Variants in GPM6A observed in about 807,000 individuals in gnomAD.
The protein encoded by GPM6A is glycoprotein M6A, also known as neuronal membrane glycoprotein M6-a.
Under a neutral mutation model 32.1 loss-of-function variants are expected in GPM6A, and 7 were observed. The observed-to-expected ratio is 0.22, with a 90% CI of 0.12 to 0.41. The LOEUF (loss-of-function observed/expected upper bound fraction) is 0.41. Among genes scored for constraint, GPM6A ranks in the 10% least tolerant of loss-of-function variants. The probability of loss-of-function intolerance (pLI) is 1.00; values close to 1 mark genes in which losing one functional copy is unlikely to be tolerated. For synonymous variants in GPM6A, 130 were observed against 123.4 expected (o/e 1.05, Z -0.35); for missense variants, 235 against 347.2 (o/e 0.68, Z 2.57).
At chr4:175,723,482 G>A (rs1361712466) in intron 1 of GPM6A, among the ~76,000 whole-genome samples, 1 of 151,906 alleles carries the variant, frequency 6.6e-6, no homozygotes, top group Admixed American at 6.6e-5. Flanking sequence ...TAATCAAGAG[G>A]ATGCCAGTTT....
intron 1 of GPM6A, among the ~76,000 whole-genome samples, chr4:175,985,916 C>A (rs1740959542): frequency 6.6e-6 from 1 of 152,066 alleles, no homozygotes; most frequent in African/African-American, 2.4e-5. Context: ...AGTGATTCTC[C>A]TGCCTCAGCC....
intron 1 of GPM6A, among the ~76,000 whole-genome samples, chr4:175,754,599 G>A (rs552455394): frequency 6.6e-6 from 1 of 152,136 alleles, no homozygotes; most frequent in Non-Finnish European, 1.5e-5. Flanking sequence ...ATTGTTTGTA[G>A]GTATTTTCTT....
chr4:175,911,837 T>G (rs2111508984), intron 1 of GPM6A, among the ~76,000 whole-genome samples: 1 of 152,172 alleles, frequency 6.6e-6, no homozygotes, highest in Admixed American at 6.5e-5. Flanking sequence ...GTGAGTAAAC[T>G]TTTCTCCCCT....
intron 1 of GPM6A, among the ~76,000 whole-genome samples, chr4:175,878,126 C>T (rs953188904): frequency 6.6e-6 from 1 of 152,234 alleles, no homozygotes; most frequent in African/African-American, 2.4e-5. Context: ...GGCAGCTCTG[C>T]CCCTGTAGCT....
chr4:175,736,494 T>TA (rs139785212), intron 1 of GPM6A, among the ~76,000 whole-genome samples: 3,326 of 152,244 alleles, frequency 0.022, 111 homozygotes, highest in African/African-American at 0.076. Context: ...AGGTTTTCTT[T>TA]AAAAAAATTT....
At chr4:175,982,624 A>G (rs1242080305) in intron 1 of GPM6A, among the ~76,000 whole-genome samples, 3 of 152,160 alleles carry the variant, frequency 2.0e-5, no homozygotes, top group Non-Finnish European at 2.9e-5. Flanking sequence ...CCTCTCACCA[A>G]TGCCACACAG....
chr4:175,736,579 C>T lies in GPM6A; in HGVS notation c.38-34812G>A, dbSNP rs372631944. Among the ~76,000 whole-genome samples the T allele has an allele frequency of 5.9e-5, 9 of 151,952 alleles. No individual in the cohort carries two copies. The East Asian group carries it at 1.3e-3, about 23-fold the overall frequency. Reference sequence around the variant, plus strand: ...TAATATTGGCTTTACGTTGCTGAAACAGAAATAAATAATATCTCAAAATAG... The same window carrying T: ...TAATATTGGCTTTACGTTGCTGAAATAGAAATAAATAATATCTCAAAATAG... On this transcript the variant is annotated intron_variant, in intron 1 of 6. Transcript: ENST00000393658.
intron 1 of GPM6A, among the ~76,000 whole-genome samples, chr4:175,840,775 A>T (rs1371920377): frequency 6.6e-6 from 1 of 152,204 alleles, no homozygotes; most frequent in Admixed American, 6.5e-5. Flanking sequence ...ATTCAATGAT[A>T]TATCCAAAGG....
At chr4:175,883,404 T>A (rs1013010868) in intron 1 of GPM6A, among the ~76,000 whole-genome samples, 3 of 152,110 alleles carry the variant, frequency 2.0e-5, no homozygotes, top group Non-Finnish European at 4.4e-5. Context: ...TCTTGCAATA[T>A]CCAATCAATA....
chr4:175,650,659 G>A (rs567091990), intron 4 of GPM6A, among the ~76,000 whole-genome samples: 9 of 152,072 alleles, frequency 5.9e-5, no homozygotes, highest in East Asian at 1.9e-4. Flanking sequence ...CACACTACAC[G>A]GGGACTGAAG....
chr4:175,929,830 C>T (rs916410259), intron 1 of GPM6A, among the ~76,000 whole-genome samples: 4 of 152,074 alleles, frequency 2.6e-5, no homozygotes, highest in African/African-American at 7.2e-5. Flanking sequence ...ATAAGCCCTT[C>T]GGAGATAGAA....
rs559498922 is a variant in GPM6A at position 175,677,784 on chromosome 4, C to T, written c.231-3948G>A. 2.6e-5 allele frequency among the ~76,000 whole-genome samples: 4 copies of T among 151,970 alleles called. No homozygotes were observed. In the South Asian group the frequency reaches 8.3e-4, roughly 31 times the overall value. On this transcript the variant is annotated intron_variant, in intron 2 of 6. Transcript: ENST00000393658. ...AATATTTTAGAAAAGAACTTATAAA[C>T]AAAAAGCAAGAGCCTATATTAAAGA...
intron 1 of GPM6A, among the ~76,000 whole-genome samples, chr4:175,738,364 C>T (rs933128443): frequency 7.2e-5 from 11 of 152,046 alleles, no homozygotes; most frequent in Admixed American, 2.0e-4. Context: ...TGGCCAATCA[C>T]GCAGAACTCT....
At chr4:175,961,720 C>T (rs7658712) in intron 1 of GPM6A, among the ~76,000 whole-genome samples, 30,425 of 151,992 alleles carry the variant, frequency 0.2, 4,044 homozygotes, top group African/African-American at 0.38. Flanking sequence ...AGTGAGAGAG[C>T]AGCTCTTTCG....
intron 2 of GPM6A, among the ~76,000 whole-genome samples, chr4:175,699,637 T>C (rs1560882720): frequency 1.3e-5 from 2 of 152,184 alleles, no homozygotes; most frequent in Admixed American, 1.3e-4. Context: ...ATTCTTCTAA[T>C]CCCCATGTAT....
chr4:175,738,599 G>A (rs533254505), intron 1 of GPM6A, among the ~76,000 whole-genome samples: 19 of 151,930 alleles, frequency 1.3e-4, no homozygotes, highest in South Asian at 6.3e-4. Flanking sequence ...GGGTCAAAAT[G>A]AATGGGAAAA....
chr4:175,815,549 G>A (rs150421208), upstream of GPM6A, among the ~76,000 whole-genome samples: 528 of 151,828 alleles, frequency 3.5e-3, 5 homozygotes, highest in African/African-American at 0.012. Flanking sequence ...CCATTGTATC[G>A]TATTGTATTT....
intron 6 of GPM6A, among the ~76,000 whole-genome samples, chr4:175,637,605 TATATAATATATAATATATA>T: frequency 1.8e-5 from 1 of 57,002 alleles, no homozygotes; most frequent in South Asian, 5.4e-4. Flanking sequence ...TTATGTAAAA[TATATAATATATAATATATA>T]TTATATATAT....
chr4:175,749,612 T>A (rs1036722670), intron 1 of GPM6A, among the ~76,000 whole-genome samples: 4 of 152,200 alleles, frequency 2.6e-5, no homozygotes, highest in African/African-American at 9.7e-5. Flanking sequence ...TATGTTTCAT[T>A]TCTCTGCTCA....
Sources: gnomAD v4.1 joint callset for allele counts (sites outside exome capture counted in the v4.1 genomes callset) on GRCh38, gnomAD v4.1.1 for gene constraint, MANE v1.5 for transcripts, NCBI Gene and HGNC (gene_info 2026-07-23, HGNC 2026-07-21) for gene names.